NUBPL: variants seen among roughly 807,000 people sequenced by gnomAD.
NUBPL encodes the protein iron-sulfur cluster transfer protein NUBPL.
In NUBPL, 31 loss-of-function variants were observed where a neutral mutation model predicts 45.7. The ratio of observed to expected loss-of-function variants is 0.68; its 90% CI spans 0.51 to 0.92. The LOEUF is 0.92. Among genes scored for constraint, NUBPL ranks in the 40% least tolerant of loss-of-function variants. The probability of loss-of-function intolerance (pLI) is 0.00; values close to 1 mark genes in which losing one functional copy is unlikely to be tolerated. For synonymous variants in NUBPL, 144 were observed against 140.9 expected, an observed-to-expected ratio of 1.02 and a Z score of -0.15; for missense variants, 401 against 398.7, an observed-to-expected ratio of 1.01 and a Z score of -0.05.
intron 7 of NUBPL, among the ~76,000 whole-genome samples, chr14:31,800,005 C>G (rs2039555177): frequency 6.6e-6 from 1 of 152,202 alleles, no homozygotes; most frequent in African/African-American, 2.4e-5. Context: ...CCTTTGTTGT[C>G]ATTTCAACAG....
At chr14:31,565,107 G>T in intron 3 of NUBPL, 59 bp downstream of exon 3, 1 of 982,390 alleles carries the variant, frequency 1.0e-6, no homozygotes, top group South Asian at 1.5e-5. Context: ...CAATGATAAA[G>T]AGCATATTGG....
intron 6 of NUBPL, among the ~76,000 whole-genome samples, chr14:31,729,274 A>ACC (rs1595553032): frequency 3.7e-4 from 18 of 48,572 alleles, no homozygotes; most frequent in African/African-American, 6.0e-4. Context: ...GAGATGCTCC[A>ACC]TCCCCCCCCC....
chr14:31,683,363 T>TG (rs1441850053), intron 6 of NUBPL, among the ~76,000 whole-genome samples: 1 of 139,816 alleles, frequency 7.2e-6, no homozygotes, highest in African/African-American at 2.7e-5. Context: ...TTTTTTTTTT[T>TG]TTTTTTTTTT....
At chr14:31,660,337 A>C (rs2036239447) in intron 4 of NUBPL, among the ~76,000 whole-genome samples, 1 of 152,086 alleles carries the variant, frequency 6.6e-6, no homozygotes, top group East Asian at 1.9e-4. Context: ...TCACACAGCC[A>C]CCTAAAGTTC....
rs113656964 is a variant in NUBPL at position 31,590,188 on chromosome 14, A to G, written c.292-9101A>G. On this transcript the variant is annotated intron_variant, in intron 3 of 10. Transcript: ENST00000281081. ...GTCTCACTCACTCTGTTGCCCAGGA[A>G]GAAGTGCAGTGGTGTGATCTCAGCT... 7.4e-4 allele frequency among the ~76,000 whole-genome samples: 112 copies of G among 152,244 alleles called. 2 individuals carry two copies. Among genetic ancestry groups the G allele is most frequent in the African/African-American group, 2.4e-3 (101 of 41,550 alleles).
intron 8 of NUBPL, among the ~76,000 whole-genome samples, chr14:31,836,512 C>T (rs1289675874): frequency 1.3e-5 from 2 of 152,038 alleles, no homozygotes; most frequent in Non-Finnish European, 2.9e-5. Context: ...GCTTATTTGG[C>T]GGGGAAGACA....
intron 6 of NUBPL, among the ~76,000 whole-genome samples, chr14:31,687,650 A>C (rs529123433): frequency 6.6e-6 from 1 of 152,212 alleles, no homozygotes; most frequent in South Asian, 2.1e-4. Context: ...CTGCGTGAGC[A>C]GTTCATTTCT....
intron 6 of NUBPL, among the ~76,000 whole-genome samples, chr14:31,744,782 C>G (rs939310009): frequency 5.7e-4 from 86 of 151,776 alleles, no homozygotes; most frequent in African/African-American, 1.9e-3. Flanking sequence ...CCACCACGCC[C>G]AGCTAATTTT....
chr14:31,688,834 G>A (rs1030497502), intron 6 of NUBPL, among the ~76,000 whole-genome samples: 2 of 151,718 alleles, frequency 1.3e-5, no homozygotes, highest in Admixed American at 6.6e-5. Flanking sequence ...CCCTCAAGTA[G>A]GCCCCAGTGT....
chr14:31,676,632 C>G (rs1395250029), intron 6 of NUBPL, among the ~76,000 whole-genome samples: 1 of 151,888 alleles, frequency 6.6e-6, no homozygotes, highest in Admixed American at 6.6e-5. Context: ...TAAAATGTAT[C>G]TTGTTATGGT....
At chr14:31,709,280 G>A (rs34582137) in intron 6 of NUBPL, among the ~76,000 whole-genome samples, 44,910 of 152,066 alleles carry the variant, frequency 0.3, 7,496 homozygotes, top group South Asian at 0.41. Context: ...CCGCTCGAGG[G>A]AGGCAGAAGG....
chr14:31,637,333 C>T (rs2035535508), intron 4 of NUBPL, among the ~76,000 whole-genome samples: 1 of 152,204 alleles, frequency 6.6e-6, no homozygotes, highest in African/African-American at 2.4e-5. Context: ...TTTCTACCTT[C>T]ATTTCGTTAT....
At chr14:31,816,168 T>A (rs1056100754) in intron 7 of NUBPL, among the ~76,000 whole-genome samples, 4 of 152,144 alleles carry the variant, frequency 2.6e-5, no homozygotes, top group African/African-American at 9.6e-5. Context: ...TGATCCTCGC[T>A]TTTATTGGTT....
intron 4 of NUBPL, among the ~76,000 whole-genome samples, chr14:31,624,025 A>G (rs990283483): frequency 2.0e-5 from 3 of 152,156 alleles, no homozygotes; most frequent in African/African-American, 7.2e-5. Context: ...TTTTGACAGC[A>G]TTGTGAAGGA....
intron 8 of NUBPL, among the ~76,000 whole-genome samples, chr14:31,831,468 T>TATACCATACC (rs139348463): frequency 0.33 from 46,529 of 142,932 alleles, 9,021 homozygotes; most frequent in East Asian, 0.5. Context: ...TATACTGTAC[T>TATACCATACC]ATACCATACC....
chr14:31,857,993 C>A (rs2040652065), intron 10 of NUBPL, among the ~76,000 whole-genome samples: 1 of 152,154 alleles, frequency 6.6e-6, no homozygotes, highest in Admixed American at 6.5e-5. Flanking sequence ...TGTTTTCACA[C>A]TGCTGATAAA....
At chr14:31,652,985 C>T (rs1012915994) in intron 4 of NUBPL, among the ~76,000 whole-genome samples, 3 of 152,120 alleles carry the variant, frequency 2.0e-5, no homozygotes, top group Non-Finnish European at 4.4e-5. Flanking sequence ...GACTGTGATG[C>T]CCACCTGAGC....
At chr14:31,593,799 GA>G (rs1321575289) in intron 3 of NUBPL, among the ~76,000 whole-genome samples, 2 of 152,074 alleles carry the variant, frequency 1.3e-5, no homozygotes, top group East Asian at 3.9e-4. Flanking sequence ...ATACTTGGGG[GA>G]ATAGGATTTC....
At chr14:31,749,644 C>A (rs1044487921) in intron 6 of NUBPL, among the ~76,000 whole-genome samples, 1 of 151,322 alleles carries the variant, frequency 6.6e-6, no homozygotes, top group African/African-American at 2.4e-5. Context: ...TTTTTTCTTT[C>A]GTTTTTGATA....
Sources: gnomAD v4.1 joint callset for allele counts (sites outside exome capture counted in the v4.1 genomes callset) on GRCh38, gnomAD v4.1.1 for gene constraint, MANE v1.5 for transcripts, NCBI Gene and HGNC (gene_info 2026-07-23, HGNC 2026-07-21) for gene names.